SLCO1A2: variants seen among roughly 807,000 people sequenced by gnomAD.
SLCO1A2 encodes OATP-1.
In SLCO1A2, 67 loss-of-function variants were observed where a neutral mutation model predicts 69.0. That is an observed-to-expected ratio of 0.97 (90% CI 0.80 to 1.19). SLCO1A2 has a LOEUF of 1.19. Among genes scored for constraint, SLCO1A2 ranks in the 50% most tolerant of loss-of-function variants. The probability of loss-of-function intolerance (pLI) is 0.00; values close to 1 mark genes in which losing one functional copy is unlikely to be tolerated. For missense variants in SLCO1A2, 787 were observed against 793.7 expected (o/e 0.99, Z 0.10); for synonymous variants, 260 against 265.9 (o/e 0.98, Z 0.22).
chr12:21,418,409 T>C (rs1242044225), upstream of SLCO1A2, among the ~76,000 whole-genome samples: 1 of 152,164 alleles, frequency 6.6e-6, no homozygotes, highest in Non-Finnish European at 1.5e-5. Context: ...ATTGTATTAG[T>C]TCATTTTCAC....
exon 1 of SLCO1A2, chr12:21,395,255 G>A (rs936758276): frequency 2.0e-5 from 3 of 152,816 alleles, no homozygotes; most frequent in East Asian, 1.9e-4. Flanking sequence ...TCAAAGAAAG[G>A]GGTGACGGAC....
intron 1 of SLCO1A2, among the ~76,000 whole-genome samples, chr12:21,386,617 C>T (rs553328550): frequency 3.6e-4 from 55 of 152,170 alleles, no homozygotes; most frequent in Middle Eastern, 6.8e-3. Context: ...TTGTGTGGCC[C>T]CCCCAGCCAT....
intron 1 of SLCO1A2, chr12:21,379,293 T>C (rs1323491284): frequency 6.6e-6 from 1 of 152,214 alleles, no homozygotes; most frequent in African/African-American, 2.4e-5. Flanking sequence ...TATTTAAAAG[T>C]ATAAAACTGC....
intron 4 of SLCO1A2, among the ~76,000 whole-genome samples, chr12:21,307,904 A>G (rs925650817): frequency 1.3e-5 from 2 of 152,166 alleles, no homozygotes; most frequent in Non-Finnish European, 2.9e-5. Context: ...ACAATTGCTC[A>G]TTGATGCCCA....
At chr12:21,358,082 A>G (rs1938516694) in intron 2 of SLCO1A2, among the ~76,000 whole-genome samples, 1 of 152,096 alleles carries the variant, frequency 6.6e-6, no homozygotes, top group Non-Finnish European at 1.5e-5. Flanking sequence ...AATCTGGTAA[A>G]AGGAGATATG....
intron 12 of SLCO1A2, among the ~76,000 whole-genome samples, chr12:21,284,281 A>T (rs930625730): frequency 6.6e-6 from 1 of 152,152 alleles, no homozygotes; most frequent in Non-Finnish European, 1.5e-5. Context: ...CCAAATAGGA[A>T]CAGCTCCGGT....
At chr12:21,361,286 A>G (rs1017644762) in intron 2 of SLCO1A2, among the ~76,000 whole-genome samples, 1 of 152,192 alleles carries the variant, frequency 6.6e-6, no homozygotes, top group African/African-American at 2.4e-5. Context: ...TCTGGAGTGG[A>G]CCTCCAGCAA....
chr12:21,307,731 A>G (rs1275724468), intron 4 of SLCO1A2, among the ~76,000 whole-genome samples: 1 of 152,230 alleles, frequency 6.6e-6, no homozygotes, highest in Non-Finnish European at 1.5e-5. Context: ...GTTAGAAATA[A>G]TGCTGGATTG....
upstream of SLCO1A2, among the ~76,000 whole-genome samples, chr12:21,335,811 A>G (rs1347672887): frequency 6.6e-6 from 1 of 152,112 alleles, no homozygotes; most frequent in African/African-American, 2.4e-5. Flanking sequence ...GATACAACAA[A>G]TACTTATTGA....
chr12:21,398,123 C>G (rs1444148209), upstream of SLCO1A2, among the ~76,000 whole-genome samples: 2 of 145,630 alleles, frequency 1.4e-5, no homozygotes, highest in Non-Finnish European at 3.1e-5. Context: ...TGATAGACCA[C>G]TAGCAAGACT....
rs11454466 is a variant in SLCO1A2, at chr12:21,350,835, C to CAAAAAAAAAAA, written c.-62-16137_-62-16127dup. On this transcript the variant is annotated intron_variant, in intron 2 of 15. Transcript: ENST00000307378. ...CTGGTGACAGAGCAAGACTCTGTCT[C>CAAAAAAAAAAA]AAAAAAAAAAAAAAAAAAAAAAAAA... is the stretch of plus-strand genomic sequence containing the variant. Among the ~76,000 whole-genome samples the CAAAAAAAAAAA allele has an allele frequency of 1.4e-3, 59 of 40,730 alleles. 9 individuals are homozygous for CAAAAAAAAAAA. The highest frequency in any genetic ancestry group is 1.7e-3 in the African/African-American group (17 of 10,112). 26.7% of individuals were successfully genotyped at this position (40,730 alleles called of 152,430 possible).
chr12:21,412,494 C>T (rs935620011), intron 1 of SLCO1A2, among the ~76,000 whole-genome samples: 4 of 152,108 alleles, frequency 2.6e-5, no homozygotes, highest in African/African-American at 9.7e-5. Context: ...TAAATTGTAT[C>T]AAATGTTTAT....
intron 2 of SLCO1A2, among the ~76,000 whole-genome samples, chr12:21,319,165 G>A (rs186983325): frequency 1.3e-5 from 2 of 152,200 alleles, no homozygotes; most frequent in African/African-American, 4.8e-5. Flanking sequence ...ATAACATACT[G>A]GTACATACAT....
intron 1 of SLCO1A2, 44 bp from the exon 2 acceptor site, chr12:21,334,753 G>A (rs1952822201): frequency 1.2e-6 from 1 of 851,778 alleles, no homozygotes; most frequent in South Asian, 1.8e-5. Flanking sequence ...CTACAAAATT[G>A]TAAAGCATCA....
chr12:21,380,566 C>T (rs1173824296), intron 1 of SLCO1A2, among the ~76,000 whole-genome samples: 1 of 152,118 alleles, frequency 6.6e-6, no homozygotes, highest in Non-Finnish European at 1.5e-5. Flanking sequence ...ATTTGCAGCT[C>T]AGTAAGGAAT....
chr12:21,408,276 C>T (rs909121695), intron 1 of SLCO1A2, among the ~76,000 whole-genome samples: 1 of 152,000 alleles, frequency 6.6e-6, no homozygotes, highest in Non-Finnish European at 1.5e-5. Flanking sequence ...GTCATAAAAA[C>T]ACATTCTTTC....
intron 6 of SLCO1A2, 145 bp downstream of exon 6, chr12:21,304,282 C>A: frequency 1.6e-6 from 1 of 627,272 alleles, no homozygotes; most frequent in South Asian, 2.3e-5. Flanking sequence ...CATCTCCATT[C>A]AACAAACTTT....
At chr12:21,302,059 C>G (rs1327673124) in intron 6 of SLCO1A2, among the ~76,000 whole-genome samples, 1 of 152,094 alleles carries the variant, frequency 6.6e-6, no homozygotes, top group Non-Finnish European at 1.5e-5. Context: ...CCCCTTCTAT[C>G]TTCTCTAAGG....
intron 4 of SLCO1A2, among the ~76,000 whole-genome samples, chr12:21,308,526 C>T (rs1338721338): frequency 7.2e-5 from 11 of 152,140 alleles, no homozygotes; most frequent in Admixed American, 7.2e-4. Context: ...ACATCCCCTG[C>T]CACTCCAGCT....
Sources: gnomAD v4.1 joint callset for allele counts (sites outside exome capture counted in the v4.1 genomes callset) on GRCh38, gnomAD v4.1.1 for gene constraint, MANE v1.5 for transcripts, NCBI Gene and HGNC (gene_info 2026-07-23, HGNC 2026-07-21) for gene names.